The following TBC1D22A variants were observed in gnomAD, a reference collection of about 807,000 sequenced individuals.
TBC1D22A encodes putative GTPase activator.
In TBC1D22A, 38 loss-of-function variants were observed where a neutral mutation model predicts 60.2. The ratio of observed to expected loss-of-function variants is 0.63; its 90% CI spans 0.49 to 0.83. The LOEUF is 0.83. Ranked by LOEUF, TBC1D22A falls within the 40% of genes least tolerant of loss-of-function variation. The probability of loss-of-function intolerance (pLI) is 0.00; values close to 1 mark genes in which losing one functional copy is unlikely to be tolerated. For synonymous variants in TBC1D22A, 302 were observed against 281.7 expected (o/e 1.07, Z -0.72); for missense variants, 628 against 701.0 (o/e 0.90, Z 1.18).
rs1602607112 is a variant in TBC1D22A at position 46,946,188 on chromosome 22, A to G, written c.1016-28102A>G. ...CGGACGGGCCAGCATAAGCTTGTGC[A>G]CCGTAGGAGCTGCTGGCCTCATCCA... is the stretch of plus-strand genomic sequence containing the variant. On this transcript the variant is annotated intron_variant, in intron 8 of 12. Coordinates refer to ENST00000337137, the MANE Select transcript of TBC1D22A (RefSeq NM_014346.5). 2.0e-5 allele frequency among the ~76,000 whole-genome samples: 3 copies of G among 152,296 alleles called. No homozygotes were observed. In the South Asian group the frequency reaches 6.2e-4, roughly 32 times the overall value.
At chr22:47,157,338 G>A (rs906751833) in intron 12 of TBC1D22A, among the ~76,000 whole-genome samples, 2 of 152,192 alleles carry the variant, frequency 1.3e-5, no homozygotes, top group Non-Finnish European at 2.9e-5. Context: ...ATCTCTTTTT[G>A]GTGTTCGTGA....
intron 12 of TBC1D22A, among the ~76,000 whole-genome samples, chr22:47,123,258 G>C (rs146270438): frequency 2.0e-4 from 31 of 152,248 alleles, no homozygotes; most frequent in Non-Finnish European, 3.4e-4. Flanking sequence ...CTCCAGGAGG[G>C]TGTAGACTCC....
chr22:46,867,480 G>A (rs2067110787), intron 4 of TBC1D22A, among the ~76,000 whole-genome samples: 1 of 152,172 alleles, frequency 6.6e-6, no homozygotes, highest in South Asian at 2.1e-4. Flanking sequence ...CAGAAAACTG[G>A]GAGAAGTGGA....
intron 7 of TBC1D22A, among the ~76,000 whole-genome samples, chr22:46,905,107 A>G (rs1379397470): frequency 1.3e-5 from 2 of 152,178 alleles, no homozygotes. Flanking sequence ...TGGCTTTCAG[A>G]GGGGGACGGT....
At chr22:46,798,250 G>C (rs2084743857) in intron 4 of TBC1D22A, among the ~76,000 whole-genome samples, 2 of 152,230 alleles carry the variant, frequency 1.3e-5, no homozygotes, top group Non-Finnish European at 2.9e-5. Flanking sequence ...GGCTGGCCAG[G>C]TGGACATCCT....
intron 12 of TBC1D22A, among the ~76,000 whole-genome samples, chr22:47,147,151 G>C (rs1174766484): frequency 6.6e-6 from 1 of 152,210 alleles, no homozygotes; most frequent in Non-Finnish European, 1.5e-5. Context: ...GGCGGGTGGC[G>C]GGCACTGTCC....
intron 4 of TBC1D22A, among the ~76,000 whole-genome samples, chr22:46,867,810 A>G (rs1242954928): frequency 1.3e-5 from 2 of 152,378 alleles, no homozygotes; most frequent in East Asian, 3.9e-4. Flanking sequence ...AGAGACACTT[A>G]AAAGACAGAA....
chr22:47,041,086 A>G (rs1054318261), intron 11 of TBC1D22A, among the ~76,000 whole-genome samples: 2 of 152,136 alleles, frequency 1.3e-5, no homozygotes, highest in East Asian at 1.9e-4. Context: ...TAGTGACTTG[A>G]TGCTTTTTTT....
intron 11 of TBC1D22A, among the ~76,000 whole-genome samples, chr22:47,072,807 G>T (rs1462998027): frequency 2.0e-5 from 3 of 152,242 alleles, no homozygotes; most frequent in Non-Finnish European, 4.4e-5. Context: ...GGCCATCGAG[G>T]CTGTGCCTCT....
intron 8 of TBC1D22A, among the ~76,000 whole-genome samples, chr22:46,930,228 AT>A (rs2071279557): frequency 6.6e-6 from 1 of 152,026 alleles, no homozygotes; most frequent in Non-Finnish European, 1.5e-5. Context: ...TGTGTTACCA[AT>A]ACACTGGTTT....
intron 11 of TBC1D22A, among the ~76,000 whole-genome samples, chr22:47,092,377 G>A (rs1196771213): frequency 6.6e-6 from 1 of 152,192 alleles, no homozygotes; most frequent in Non-Finnish European, 1.5e-5. Context: ...CATAAGGGAT[G>A]GGGCCTTGGG....
intron 10 of TBC1D22A, among the ~76,000 whole-genome samples, chr22:47,003,800 T>C (rs992493928): frequency 3.9e-5 from 4 of 101,904 alleles, no homozygotes; most frequent in Non-Finnish European, 8.4e-5. Context: ...CACACATGCC[T>C]GTACACACCC....
At chr22:47,051,907 G>T (rs60390532) in intron 11 of TBC1D22A, among the ~76,000 whole-genome samples, 6 of 152,242 alleles carry the variant, frequency 3.9e-5, no homozygotes, top group African/African-American at 7.2e-5. Flanking sequence ...CCTGAAAGGC[G>T]GTCACTGTGC....
chr22:46,878,838 C>A, intron 5 of TBC1D22A, 115 bp downstream of exon 5: 1 of 923,340 alleles, frequency 1.1e-6, no homozygotes, highest in Non-Finnish European at 1.7e-6. Context: ...GGCTTTGTTG[C>A]AGTGATAAAG....
rs575328850 is a variant in TBC1D22A, at chr22:47,001,891, T to C, written c.1201+4182T>C. On this transcript the variant is annotated intron_variant, in intron 10 of 12. Coordinates refer to ENST00000337137, the MANE Select transcript of TBC1D22A (RefSeq NM_014346.5). ...TAGAATAGGGCATGTGTCCAGCAAC[T>C]CCACAAAAAATAGAATTAGGATGTC... 1.9e-3 allele frequency among the ~76,000 whole-genome samples: 293 copies of C among 152,332 alleles called. 1 individual carries two copies. Among genetic ancestry groups the C allele is most frequent in the Non-Finnish European group, 3.8e-3 (261 of 68,026 alleles).
At chr22:46,792,813 GC>G in intron 2 of TBC1D22A, 1 of 1,444,510 alleles carries the variant, frequency 6.9e-7, no homozygotes, top group Non-Finnish European at 9.1e-7. Flanking sequence ...AGGTGGGGGA[GC>G]CCTGGGGAGA....
At chr22:46,806,358 T>G (rs185249011) in intron 4 of TBC1D22A, among the ~76,000 whole-genome samples, 343 of 150,374 alleles carry the variant, frequency 2.3e-3, no homozygotes, top group African/African-American at 7.6e-3. Context: ...TTTTTTTTTT[T>G]GCCCGGAAAT....
chr22:46,981,858 T>A (rs904551911), intron 9 of TBC1D22A, among the ~76,000 whole-genome samples: 2 of 152,160 alleles, frequency 1.3e-5, no homozygotes, highest in Admixed American at 1.3e-4. Flanking sequence ...TACTGCACAG[T>A]TTGGGCAAAT....
chr22:47,040,488 G>T (rs892742858), intron 11 of TBC1D22A, among the ~76,000 whole-genome samples: 2 of 152,074 alleles, frequency 1.3e-5, no homozygotes, highest in African/African-American at 4.8e-5. Context: ...CCAGGATGAG[G>T]GGGTCGTCGA....
Sources: gnomAD v4.1 joint callset for allele counts (sites outside exome capture counted in the v4.1 genomes callset) on GRCh38, gnomAD v4.1.1 for gene constraint, MANE v1.5 for transcripts, NCBI Gene and HGNC (gene_info 2026-07-23, HGNC 2026-07-21) for gene names.